PKN2: variants seen among roughly 807,000 people sequenced by gnomAD.
PKN2 encodes the protein serine/threonine-protein kinase N2.
In PKN2, 38 loss-of-function variants were observed where a neutral mutation model predicts 119.1. That is an observed-to-expected ratio of 0.32 (90% CI 0.25 to 0.42). PKN2 has a LOEUF of 0.42. Among genes scored for constraint, PKN2 ranks in the 10% least tolerant of loss-of-function variants. PKN2 has a pLI of 1.00. For missense variants in PKN2, 850 were observed against 1,165.1 expected (o/e 0.73, Z 3.94); for synonymous variants, 390 against 384.9 (o/e 1.01, Z -0.15).
At chr1:88,761,817 A>G (rs1669455832) in intron 3 of PKN2, among the ~76,000 whole-genome samples, 1 of 152,132 alleles carries the variant, frequency 6.6e-6, no homozygotes. Flanking sequence ...ACTAACTTTG[A>G]ACATTTGTTA....
At chr1:88,715,397 T>A (rs954476237) in intron 1 of PKN2, among the ~76,000 whole-genome samples, 4 of 152,250 alleles carry the variant, frequency 2.6e-5, no homozygotes, top group African/African-American at 9.6e-5. Context: ...CATCTGGTCC[T>A]GGACTTTTTT....
At chr1:88,764,855 G>T (rs1050260688) in intron 3 of PKN2, among the ~76,000 whole-genome samples, 1 of 152,124 alleles carries the variant, frequency 6.6e-6, no homozygotes, top group African/African-American at 2.4e-5. Flanking sequence ...CCTTTGGAAT[G>T]ATCTCTGGGG....
chr1:88,745,450 A>G (rs1668734385), intron 2 of PKN2, among the ~76,000 whole-genome samples: 1 of 152,232 alleles, frequency 6.6e-6, no homozygotes, highest in Non-Finnish European at 1.5e-5. Context: ...TACAAAAGTC[A>G]GTATCATTTC....
At chr1:88,823,879 C>G (rs1346573727) in intron 17 of PKN2, among the ~76,000 whole-genome samples, 4 of 148,722 alleles carry the variant, frequency 2.7e-5, no homozygotes, top group Non-Finnish European at 6.0e-5. Flanking sequence ...TGTAGTGGCA[C>G]GCGACTGTAG....
At chr1:88,690,804 GAC>G (rs1411078185) in intron 1 of PKN2, among the ~76,000 whole-genome samples, 1 of 152,068 alleles carries the variant, frequency 6.6e-6, no homozygotes, top group Non-Finnish European at 1.5e-5. Flanking sequence ...TGTACTTGAT[GAC>G]AGTAAACACC....
At chr1:88,693,208 T>C (rs910113137) in intron 1 of PKN2, among the ~76,000 whole-genome samples, 3 of 152,330 alleles carry the variant, frequency 2.0e-5, no homozygotes, top group Admixed American at 6.5e-5. Flanking sequence ...GGCAGTATAT[T>C]CCGTAAGATT....
intron 15 of PKN2, 81 bp downstream of exon 15, chr1:88,807,856 CTT>C: frequency 1.3e-6 from 1 of 761,444 alleles, no homozygotes; most frequent in Non-Finnish European, 2.2e-6. Flanking sequence ...AACAGCAAAA[CTT>C]TATGATTTTA....
At chr1:88,707,234 A>T (rs530894092) in intron 1 of PKN2, among the ~76,000 whole-genome samples, 2 of 151,966 alleles carry the variant, frequency 1.3e-5, no homozygotes, top group African/African-American at 4.8e-5. Context: ...TGTAAGCCCT[A>T]CTTTTTTTGA....
At chr1:88,735,602 A>ACCCCCCCC (rs75497861) in intron 1 of PKN2, among the ~76,000 whole-genome samples, 4 of 51,504 alleles carry the variant, frequency 7.8e-5, no homozygotes, top group Admixed American at 2.5e-4. Flanking sequence ...TTGACAGCCC[A>ACCCCCCCC]CCCCCCCCCC....
rs1313198757 is a variant in PKN2, at chr1:88,835,114, C to T, written c.*1666C>T. The T allele has an allele frequency of 1.4e-4, 21 of 152,132 alleles. No homozygotes were observed. The highest frequency in any genetic ancestry group is 2.4e-4 in the Non-Finnish European group (16 of 67,884). The allele number at this position is 152,132 out of a possible 1,614,324, so 9.4% of individuals were successfully genotyped here. On this transcript the variant is annotated 3_prime_UTR_variant, in exon 22 of 22. Transcript: ENST00000370521. Reference sequence around the variant, plus strand: ...GATGTTTTAGCATCTTTTCATTGTACTCTGAGAACAATTAAAATTGTCCAG... The same window carrying T: ...GATGTTTTAGCATCTTTTCATTGTATTCTGAGAACAATTAAAATTGTCCAG...
chr1:88,787,301 A>G (rs1570629920), intron 8 of PKN2, among the ~76,000 whole-genome samples: 3 of 152,260 alleles, frequency 2.0e-5, no homozygotes. Context: ...ATCAAAATGA[A>G]ACTTAAAGAA....
intron 1 of PKN2, among the ~76,000 whole-genome samples, chr1:88,699,433 A>G (rs912314618): frequency 1.3e-5 from 2 of 152,106 alleles, no homozygotes; most frequent in African/African-American, 4.8e-5. Context: ...CCAACTTTCA[A>G]GTTCTGGGGT....
At chr1:88,770,051 ACAT>A (rs1431277936) in intron 3 of PKN2, among the ~76,000 whole-genome samples, 6 of 152,200 alleles carry the variant, frequency 3.9e-5, no homozygotes, top group Admixed American at 6.5e-5. Flanking sequence ...GCATACCAAA[ACAT>A]CATGTACACT....
At chr1:88,799,424 G>A (rs1187759589) in intron 8 of PKN2, among the ~76,000 whole-genome samples, 5 of 152,146 alleles carry the variant, frequency 3.3e-5, no homozygotes, top group African/African-American at 1.2e-4. Context: ...TCTTGAGGTG[G>A]TGGTTTTCTG....
At chr1:88,707,451 G>C (rs1570505658) in intron 1 of PKN2, among the ~76,000 whole-genome samples, 1 of 151,958 alleles carries the variant, frequency 6.6e-6, no homozygotes, top group Non-Finnish European at 1.5e-5. Context: ...CTGTTTTTTT[G>C]TATAGATGAT....
At chr1:88,727,533 T>C (rs1667949874) in intron 1 of PKN2, among the ~76,000 whole-genome samples, 1 of 152,196 alleles carries the variant, frequency 6.6e-6, no homozygotes, top group African/African-American at 2.4e-5. Flanking sequence ...GTGTAGACCA[T>C]TTGTATTTAA....
intron 8 of PKN2, among the ~76,000 whole-genome samples, chr1:88,790,619 G>A (rs79627781): frequency 0.012 from 1,886 of 151,866 alleles, 28 homozygotes; most frequent in Non-Finnish European, 0.017. Flanking sequence ...TTTTTTCCCC[G>A]GGATTCTGAA....
chr1:88,702,239 A>C (rs1327633623), intron 1 of PKN2, among the ~76,000 whole-genome samples: 1 of 152,178 alleles, frequency 6.6e-6, no homozygotes. Context: ...GATTACAGGC[A>C]TGAGCAACCG....
chr1:88,767,095 A>G (rs998824862), intron 3 of PKN2, among the ~76,000 whole-genome samples: 1 of 152,186 alleles, frequency 6.6e-6, no homozygotes, highest in African/African-American at 2.4e-5. Context: ...CTTAATATTT[A>G]TACATTTACA....
Sources: gnomAD v4.1 joint callset for allele counts (sites outside exome capture counted in the v4.1 genomes callset) on GRCh38, gnomAD v4.1.1 for gene constraint, MANE v1.5 for transcripts, NCBI Gene and HGNC (gene_info 2026-07-23, HGNC 2026-07-21) for gene names.